Variants in BNC2 observed in about 807,000 individuals in gnomAD.
BNC2 encodes basonuclin zinc finger protein 2.
A neutral mutation model predicts 76.3 loss-of-function variants in BNC2; 20 were observed. That is an observed-to-expected ratio of 0.26 (90% confidence interval 0.18 to 0.38). BNC2 has a LOEUF of 0.38. Ranked by LOEUF, BNC2 falls within the 10% of genes least tolerant of loss-of-function variation. The probability of loss-of-function intolerance (pLI) is 1.00; values close to 1 mark genes in which losing one functional copy is unlikely to be tolerated. For missense variants in BNC2, 1,382 were observed against 1,399.8 expected, an observed-to-expected ratio of 0.99 and a Z score of 0.20; for synonymous variants, 582 against 514.8, an observed-to-expected ratio of 1.13 and a Z score of -1.77.
chr9:16,440,045 G>T (rs1257779622), intron 5 of BNC2, among the ~76,000 whole-genome samples: 5 of 152,188 alleles, frequency 3.3e-5, no homozygotes, highest in Non-Finnish European at 7.3e-5. Context: ...TTTGGAACAG[G>T]GGTAACATGG....
intron 1 of BNC2, among the ~76,000 whole-genome samples, chr9:16,851,131 CTTCA>C (rs1180967802): frequency 6.6e-6 from 1 of 151,938 alleles, no homozygotes; most frequent in Non-Finnish European, 1.5e-5. Context: ...TATTTCAATG[CTTCA>C]TTCAAATTTA....
chr9:16,691,007 G>A (rs573417705), intron 3 of BNC2, among the ~76,000 whole-genome samples: 2 of 152,262 alleles, frequency 1.3e-5, no homozygotes, highest in Admixed American at 6.5e-5. Context: ...AGCAACCTCT[G>A]CAGGTACAAT....
intron 1 of BNC2, among the ~76,000 whole-genome samples, chr9:16,749,912 G>A (rs990077088): frequency 9.2e-5 from 14 of 152,074 alleles, no homozygotes; most frequent in African/African-American, 2.7e-4. Flanking sequence ...GAAAACAGAA[G>A]TATTAAATTA....
Position 16,530,502 on chromosome 9 carries a change from T to C in BNC2, c.669+22028A>G, listed in dbSNP as rs544305813. On this transcript the variant is annotated intron_variant, in intron 5 of 6. Coordinates refer to ENST00000380672, the MANE Select transcript of BNC2 (RefSeq NM_017637.6). ...TAAAAAAACTGACAAGGCTTTTCTC[T>C]GTCTAGGAGAGAGGGCGATGATCAA... Among the ~76,000 whole-genome samples the C allele has an allele frequency of 3.5e-4, 53 of 152,290 alleles. No homozygotes were observed. The South Asian group carries it at 9.7e-3, about 28-fold the overall frequency.
At position 16,534,043 on chromosome 9, in the gene BNC2, C is replaced by A. The variant is rs191172603; in HGVS notation, c.669+18487G>T. Among the ~76,000 whole-genome samples, 167 of 152,214 alleles carry A rather than the reference C, an allele frequency of 1.1e-3. 2 individuals carry two copies. Among genetic ancestry groups the A allele is most frequent in the African/African-American group, 3.8e-3 (157 of 41,548 alleles). ...GTAGACTTTGTGACCATCAGCTAAACCAATAATGGTGTAAGTGCTTTTTAA... is the reference window on the plus strand; with the variant it reads ...GTAGACTTTGTGACCATCAGCTAAAACAATAATGGTGTAAGTGCTTTTTAA... On this transcript the variant is annotated intron_variant, in intron 5 of 6. Coordinates refer to ENST00000380672, the MANE Select transcript of BNC2 (RefSeq NM_017637.6).
intron 5 of BNC2, among the ~76,000 whole-genome samples, chr9:16,546,404 A>AC (rs1818483477): frequency 6.6e-6 from 1 of 152,194 alleles, no homozygotes; most frequent in African/African-American, 2.4e-5. Flanking sequence ...TAAACCCAGG[A>AC]AAGACTACTT....
chr9:16,724,507 T>C (rs1358602077), intron 3 of BNC2, among the ~76,000 whole-genome samples: 3 of 152,084 alleles, frequency 2.0e-5, no homozygotes, highest in Non-Finnish European at 4.4e-5. Context: ...TACTCAGCTA[T>C]ATACATAGAA....
chr9:16,438,347 G>A (rs1031638483), intron 5 of BNC2, among the ~76,000 whole-genome samples: 5 of 152,174 alleles, frequency 3.3e-5, no homozygotes, highest in African/African-American at 7.2e-5. Context: ...GAATAAATGT[G>A]TAAAAAGTTG....
chr9:16,654,899 C>T (rs767799771), intron 3 of BNC2, among the ~76,000 whole-genome samples: 1 of 152,140 alleles, frequency 6.6e-6, no homozygotes, highest in Non-Finnish European at 1.5e-5. Flanking sequence ...CAAGTCTCTA[C>T]TGTAACTGTT....
intron 1 of BNC2, among the ~76,000 whole-genome samples, chr9:16,778,865 C>G (rs1428842603): frequency 1.3e-5 from 2 of 152,130 alleles, no homozygotes; most frequent in East Asian, 1.9e-4. Context: ...CAGCAAGGGT[C>G]TGATGTGAAG....
chr9:16,865,540 G>C (rs1229950127), intron 1 of BNC2, among the ~76,000 whole-genome samples: 5 of 151,988 alleles, frequency 3.3e-5, no homozygotes, highest in African/African-American at 1.2e-4. Flanking sequence ...CTTAATTATC[G>C]AACCTATTAT....
In BNC2 at chr9:16,627,209, A is replaced by AG. The variant is rs1171025638; in HGVS notation, c.331-44125_331-44124insC. Among the ~76,000 whole-genome samples the AG allele has an allele frequency of 2.6e-5, 4 of 152,274 alleles. No individual in the cohort carries two copies. In the East Asian group the frequency reaches 7.7e-4, roughly 29 times the overall value. Reference sequence around the variant, plus strand: ...AACTTTAGAAGGGAACAGTTGAAAAACAGAGTCTGAGGGTAGAGGCATAAT... The same window carrying AG: ...AACTTTAGAAGGGAACAGTTGAAAAAGCAGAGTCTGAGGGTAGAGGCATAAT... On this transcript the variant is annotated intron_variant, in intron 3 of 6. Coordinates refer to ENST00000380672, the MANE Select transcript of BNC2 (RefSeq NM_017637.6).
intron 5 of BNC2, among the ~76,000 whole-genome samples, chr9:16,521,259 G>C (rs1278755368): frequency 2.0e-5 from 3 of 152,190 alleles, no homozygotes; most frequent in Non-Finnish European, 4.4e-5. Flanking sequence ...AACAAAAATA[G>C]TGGAAGCTCT....
chr9:16,789,251 G>A (rs981611323), intron 1 of BNC2, among the ~76,000 whole-genome samples: 1 of 151,970 alleles, frequency 6.6e-6, no homozygotes, highest in East Asian at 1.9e-4. Flanking sequence ...AGGAGCACTG[G>A]GGGATTTTAG....
chr9:16,516,812 C>T (rs1382737241), intron 5 of BNC2, among the ~76,000 whole-genome samples: 1 of 152,132 alleles, frequency 6.6e-6, no homozygotes, highest in Non-Finnish European at 1.5e-5. Context: ...GTATTAAAAG[C>T]ATCTCTTATG....
At chr9:16,564,436 C>G (rs1819110895) in intron 4 of BNC2, among the ~76,000 whole-genome samples, 1 of 152,112 alleles carries the variant, frequency 6.6e-6, no homozygotes, top group African/African-American at 2.4e-5. Flanking sequence ...TTGGGATTTT[C>G]CAGTTTGGAA....
intron 3 of BNC2, among the ~76,000 whole-genome samples, chr9:16,702,562 C>T (rs1823545860): frequency 6.7e-6 from 1 of 148,644 alleles, no homozygotes. Context: ...AAAAAGACAT[C>T]TGCTGATGGC....
chr9:16,864,026 C>T (rs1819476572), intron 1 of BNC2, among the ~76,000 whole-genome samples: 1 of 152,120 alleles, frequency 6.6e-6, no homozygotes, highest in South Asian at 2.1e-4. Context: ...TAATTCTCTT[C>T]ATCTCTAAGA....
In BNC2 at chr9:16,700,156, A is replaced by AAACTGT. The variant is rs548372655; in HGVS notation, c.330+27640_330+27641insACAGTT. Among the ~76,000 whole-genome samples, 44 of 152,360 alleles carry AAACTGT rather than the reference A, an allele frequency of 2.9e-4. No homozygotes were observed. In the South Asian group the frequency reaches 8.7e-3, roughly 30 times the overall value. The stretch of plus-strand genomic sequence containing the variant: ...AGTAGAGTCTGTAGACACAGACTTC[A>AAACTGT]GTTAGACATAAAACTGTGACTTAGT... On this transcript the variant is annotated intron_variant, in intron 3 of 6. Coordinates refer to ENST00000380672, the MANE Select transcript of BNC2 (RefSeq NM_017637.6).
Sources: gnomAD v4.1 joint callset for allele counts (sites outside exome capture counted in the v4.1 genomes callset) on GRCh38, gnomAD v4.1.1 for gene constraint, MANE v1.5 for transcripts, NCBI Gene and HGNC (gene_info 2026-07-23, HGNC 2026-07-21) for gene names.